Variants in NYAP2 observed in about 807,000 individuals in gnomAD.
NYAP2 encodes neuronal tyrosine-phosphorylated phosphoinositide-3-kinase adapter 2.
NYAP2 carries 23 observed loss-of-function variants against 50.4 expected under a neutral mutation model. That is an observed-to-expected ratio of 0.46 (90% CI 0.33 to 0.65). The LOEUF is 0.65. NYAP2 is among the 30% of genes least tolerant of loss of function. NYAP2 has a pLI of 0.02. For synonymous variants in NYAP2, 394 were observed against 365.2 expected, an observed-to-expected ratio of 1.08 and a Z score of -0.90; for missense variants, 885 against 861.0, an observed-to-expected ratio of 1.03 and a Z score of -0.35.
chr2:225,577,241 T>C (rs1459613233), intron 4 of NYAP2, among the ~76,000 whole-genome samples: 5 of 152,208 alleles, frequency 3.3e-5, no homozygotes, highest in Non-Finnish European at 7.3e-5. Context: ...GTTCTGGAGC[T>C]GAACAGGAAT....
chr2:225,423,937 T>G (rs149737901), intron 3 of NYAP2, among the ~76,000 whole-genome samples: 292 of 152,304 alleles, frequency 1.9e-3, no homozygotes, highest in African/African-American at 6.6e-3. Flanking sequence ...GTGATGGAAA[T>G]ATATGATCTT....
At chr2:225,658,590 C>T (rs1305183995), downstream of NYAP2, among the ~76,000 whole-genome samples, 2 of 152,132 alleles carry the variant, frequency 1.3e-5, no homozygotes, top group Admixed American at 6.5e-5. Flanking sequence ...TGCATTAAAA[C>T]AATGCAAGTG....
At chr2:225,407,464 C>T (rs1574598287) in intron 2 of NYAP2, among the ~76,000 whole-genome samples, 1 of 151,906 alleles carries the variant, frequency 6.6e-6, no homozygotes, top group Non-Finnish European at 1.5e-5. Context: ...AGAGAAAAAT[C>T]CTTAAATTCA....
At chr2:225,482,379 C>T (rs947786019) in intron 3 of NYAP2, among the ~76,000 whole-genome samples, 1 of 152,084 alleles carries the variant, frequency 6.6e-6, no homozygotes, top group Non-Finnish European at 1.5e-5. Context: ...TACAGTGTGG[C>T]TGCTTGCAGG....
At chr2:225,424,228 T>C (rs767976377) in intron 3 of NYAP2, among the ~76,000 whole-genome samples, 6 of 152,116 alleles carry the variant, frequency 3.9e-5, no homozygotes, top group Non-Finnish European at 8.8e-5. Context: ...ATGAACTAAT[T>C]AAAATTTAAG....
At chr2:225,492,235 T>G (rs1284387354) in intron 3 of NYAP2, among the ~76,000 whole-genome samples, 1 of 152,236 alleles carries the variant, frequency 6.6e-6, no homozygotes, top group Non-Finnish European at 1.5e-5. Flanking sequence ...GATATAACAC[T>G]GTTATAACCA....
intron 5 of NYAP2, among the ~76,000 whole-genome samples, chr2:225,597,513 A>AT (rs1491545798): frequency 3.4e-5 from 2 of 58,732 alleles, no homozygotes; most frequent in African/African-American, 1.2e-4. Context: ...CCAAGGAGAA[A>AT]TATATATATA....
chr2:225,399,654 T>C (rs1694824477), upstream of NYAP2: 1 of 151,932 alleles, frequency 6.6e-6, no homozygotes, highest in Non-Finnish European at 1.5e-5. Context: ...GCTGTTTTGA[T>C]GAGGTTAAAA....
downstream of NYAP2, among the ~76,000 whole-genome samples, chr2:225,658,476 A>G (rs1444913907): frequency 2.0e-5 from 3 of 152,252 alleles, no homozygotes; most frequent in Non-Finnish European, 4.4e-5. Context: ...AATGATATTT[A>G]CCAAAGAATT....
intron 6 of NYAP2, among the ~76,000 whole-genome samples, chr2:225,628,595 T>A (rs1488793106): frequency 3.9e-5 from 6 of 152,148 alleles, no homozygotes; most frequent in Non-Finnish European, 4.4e-5. Context: ...AGTGCTAGGA[T>A]TACAGGCTTG....
intron 4 of NYAP2, among the ~76,000 whole-genome samples, chr2:225,525,438 C>T (rs1365750642): frequency 3.3e-5 from 5 of 152,166 alleles, no homozygotes; most frequent in Non-Finnish European, 7.4e-5. Flanking sequence ...TAGAATACTA[C>T]ATAGCCATAA....
At chr2:225,542,216 A>G (rs980865983) in intron 4 of NYAP2, among the ~76,000 whole-genome samples, 5 of 152,118 alleles carry the variant, frequency 3.3e-5, no homozygotes, top group African/African-American at 1.2e-4. Flanking sequence ...ATCTGAAAAC[A>G]AGGATAATTG....
chr2:225,625,052 A>T (rs887339905), intron 5 of NYAP2, among the ~76,000 whole-genome samples: 6 of 149,292 alleles, frequency 4.0e-5, no homozygotes, highest in South Asian at 4.2e-4. Flanking sequence ...GTAAAAAAAA[A>T]AAAAAAAAAA....
intron 4 of NYAP2, among the ~76,000 whole-genome samples, chr2:225,530,778 CT>C (rs1691240892): frequency 6.6e-6 from 1 of 152,168 alleles, no homozygotes; most frequent in Non-Finnish European, 1.5e-5. Context: ...CAGGCGTTTC[CT>C]CCATGGTTTT....
At chr2:225,513,609 T>G in exon 4 of NYAP2, 2 of 1,566,510 alleles carry the variant, frequency 1.3e-6, no homozygotes, top group Non-Finnish European at 1.7e-6. Flanking sequence ...GCTGAGCACC[T>G]CATCAGAGAC....
intron 5 of NYAP2, among the ~76,000 whole-genome samples, chr2:225,615,792 G>C (rs1267533853): frequency 6.6e-6 from 1 of 152,194 alleles, no homozygotes; most frequent in Admixed American, 6.5e-5. Context: ...GCCCAGGCAA[G>C]TGCTGGGGCC....
upstream of NYAP2, among the ~76,000 whole-genome samples, chr2:225,398,912 C>A (rs1694813257): frequency 6.6e-6 from 1 of 152,008 alleles, no homozygotes; most frequent in Admixed American, 6.6e-5. Context: ...CAGATACTTA[C>A]AAGTTAAAGA....
intron 3 of NYAP2, among the ~76,000 whole-genome samples, chr2:225,508,470 C>G (rs1690750124): frequency 6.6e-6 from 1 of 152,106 alleles, no homozygotes; most frequent in Non-Finnish European, 1.5e-5. Flanking sequence ...TATGTCAGTT[C>G]AGGTCTCCCA....
intron 4 of NYAP2, among the ~76,000 whole-genome samples, chr2:225,524,040 A>T (rs930487945): frequency 9.2e-5 from 14 of 152,190 alleles, no homozygotes; most frequent in Non-Finnish European, 7.3e-5. Context: ...GATTCTCCAG[A>T]GGGACAGAAC....
Sources: gnomAD v4.1 joint callset for allele counts (sites outside exome capture counted in the v4.1 genomes callset) on GRCh38, gnomAD v4.1.1 for gene constraint, MANE v1.5 for transcripts, NCBI Gene and HGNC (gene_info 2026-07-23, HGNC 2026-07-21) for gene names.